RPS6KA5: variants seen among roughly 807,000 people sequenced by gnomAD.
RPS6KA5 encodes the protein ribosomal protein S6 kinase A5.
A neutral mutation model predicts 85.5 loss-of-function variants in RPS6KA5; 27 were observed. The observed-to-expected ratio is 0.32, with a 90% CI of 0.23 to 0.44. RPS6KA5 has a LOEUF of 0.44. RPS6KA5 is among the 20% of genes least tolerant of loss of function. The pLI is 1.00. For missense variants in RPS6KA5, 811 were observed against 980.9 expected (o/e 0.83, Z 2.31); for synonymous variants, 334 against 348.2 (o/e 0.96, Z 0.46).
At chr14:90,992,458 T>C (rs1355076552) in intron 2 of RPS6KA5, among the ~76,000 whole-genome samples, 3 of 152,238 alleles carry the variant, frequency 2.0e-5, no homozygotes, top group Non-Finnish European at 4.4e-5. Flanking sequence ...TCAGTGCAGA[T>C]GTATAATAGA....
At position 90,890,416 on chromosome 14, in the gene RPS6KA5, G is replaced by A. The variant is rs2034483031; in HGVS notation, c.1836+71C>T. 5 of 1,309,300 alleles carry A rather than the reference G, an allele frequency of 3.8e-6. No homozygotes were observed. In the Admixed American group the frequency reaches 1.1e-4, roughly 29 times the overall value. 81.1% of individuals were successfully genotyped at this position (1,309,300 alleles called of 1,614,324 possible). On this transcript the variant is annotated intron_variant, in intron 14 of 16. Coordinates refer to ENST00000614987, the MANE Select transcript of RPS6KA5 (RefSeq NM_004755.4). The stretch of plus-strand genomic sequence containing the variant: ...TTTTTCATGAATGTAAGGAAACAGT[G>A]AAGAGTGAGATAAGGAGAGAGGACA...
chr14:90,893,907 A>T (rs1183401310), intron 13 of RPS6KA5: 4 of 642,920 alleles, frequency 6.2e-6, no homozygotes, highest in Non-Finnish European at 7.7e-6. Flanking sequence ...TAAATATTAT[A>T]GCACGATCAT....
chr14:91,012,448 T>C (rs2041300046), intron 1 of RPS6KA5, among the ~76,000 whole-genome samples: 1 of 152,242 alleles, frequency 6.6e-6, no homozygotes, highest in Non-Finnish European at 1.5e-5. Flanking sequence ...CTAGCTACTC[T>C]CATTTTTATA....
At chr14:90,976,374 C>T (rs751526797) in intron 3 of RPS6KA5, among the ~76,000 whole-genome samples, 3 of 152,108 alleles carry the variant, frequency 2.0e-5, no homozygotes, top group Non-Finnish European at 2.9e-5. Flanking sequence ...AAAAGATAAT[C>T]ATTTCTCAAA....
chr14:90,950,239 T>C (rs1219169616), intron 3 of RPS6KA5, among the ~76,000 whole-genome samples: 4 of 152,258 alleles, frequency 2.6e-5, no homozygotes, highest in Admixed American at 1.3e-4. Flanking sequence ...ATTCCAAATG[T>C]ATAGAAATAT....
intron 1 of RPS6KA5, among the ~76,000 whole-genome samples, chr14:91,029,418 T>C (rs1019394748): frequency 2.6e-5 from 4 of 152,206 alleles, no homozygotes; most frequent in Admixed American, 2.0e-4. Context: ...TCTACAAAGA[T>C]ATCTTAATTA....
chr14:91,046,647 G>GT (rs2042886446), intron 1 of RPS6KA5, among the ~76,000 whole-genome samples: 1 of 152,100 alleles, frequency 6.6e-6, no homozygotes. Context: ...AATTTTCCAG[G>GT]TAATGATGGA....
chr14:90,974,323 A>G (rs530183215), intron 3 of RPS6KA5, among the ~76,000 whole-genome samples: 4 of 152,254 alleles, frequency 2.6e-5, no homozygotes, highest in South Asian at 4.1e-4. Context: ...AGAGGCAGGA[A>G]TAAGTTAAAA....
At chr14:90,897,391 T>C (rs1253495005) in intron 12 of RPS6KA5, among the ~76,000 whole-genome samples, 1 of 152,194 alleles carries the variant, frequency 6.6e-6, no homozygotes, top group Non-Finnish European at 1.5e-5. Context: ...TGGTGATTTG[T>C]TGCAGCAGCA....
intron 3 of RPS6KA5, among the ~76,000 whole-genome samples, chr14:90,947,807 T>C (rs1390476300): frequency 1.3e-5 from 2 of 152,208 alleles, no homozygotes; most frequent in Admixed American, 1.3e-4. Context: ...AATCTGCATA[T>C]ATTTAAATAT....
intron 3 of RPS6KA5, among the ~76,000 whole-genome samples, chr14:90,970,119 A>C (rs879678266): frequency 3.3e-5 from 5 of 152,098 alleles, no homozygotes; most frequent in Admixed American, 1.3e-4. Flanking sequence ...AAACCATCTC[A>C]GTTTATTTTT....
intron 1 of RPS6KA5, among the ~76,000 whole-genome samples, chr14:91,055,440 A>C (rs1002407660): frequency 2.0e-5 from 3 of 152,212 alleles, no homozygotes; most frequent in African/African-American, 7.2e-5. Context: ...ATGGAACACA[A>C]TTTATCAACA....
At chr14:90,896,634 G>T (rs906588542) in intron 12 of RPS6KA5, among the ~76,000 whole-genome samples, 1 of 152,144 alleles carries the variant, frequency 6.6e-6, no homozygotes, top group Admixed American at 6.5e-5. Flanking sequence ...GGAAATGTTG[G>T]GGGGTGTCTA....
intron 1 of RPS6KA5, among the ~76,000 whole-genome samples, chr14:91,054,481 A>G (rs2043224955): frequency 2.0e-5 from 3 of 151,982 alleles, no homozygotes; most frequent in African/African-American, 7.3e-5. Context: ...TATTGAAAAT[A>G]CAAAAATTAG....
intron 12 of RPS6KA5, among the ~76,000 whole-genome samples, chr14:90,895,037 T>C (rs1302936757): frequency 6.6e-6 from 1 of 152,198 alleles, no homozygotes; most frequent in Non-Finnish European, 1.5e-5. Flanking sequence ...CATCTTTCTT[T>C]TTAAACTGCT....
chr14:91,001,031 T>C (rs113514395), intron 2 of RPS6KA5, 57 bp downstream of exon 2: 6 of 958,184 alleles, frequency 6.3e-6, no homozygotes, highest in Non-Finnish European at 9.7e-6. Flanking sequence ...CAATCCTTCA[T>C]CATAGGAATA....
chr14:91,052,459 G>A (rs1290011198), intron 1 of RPS6KA5: 5 of 131,790 alleles, frequency 3.8e-5, no homozygotes, highest in Middle Eastern at 1.8e-3. Context: ...GAGTAGACTC[G>A]TCTCTTAAAA....
intron 5 of RPS6KA5, among the ~76,000 whole-genome samples, chr14:90,926,952 A>G (rs2036708150): frequency 6.6e-6 from 1 of 152,148 alleles, no homozygotes; most frequent in Non-Finnish European, 1.5e-5. Context: ...GAATTTATAA[A>G]ATAAAAGTAA....
At chr14:91,013,511 A>G (rs1750544746) in intron 1 of RPS6KA5, among the ~76,000 whole-genome samples, 2 of 152,028 alleles carry the variant, frequency 1.3e-5, no homozygotes, top group South Asian at 4.2e-4. Context: ...GAAAACCACC[A>G]AAACAACAGA....
Sources: gnomAD v4.1 joint callset for allele counts (sites outside exome capture counted in the v4.1 genomes callset) on GRCh38, gnomAD v4.1.1 for gene constraint, MANE v1.5 for transcripts, NCBI Gene and HGNC (gene_info 2026-07-23, HGNC 2026-07-21) for gene names.